Variants in ATP2A1 observed in about 807,000 individuals in gnomAD.
ATP2A1 encodes the protein ATPase sarcoplasmic/endoplasmic reticulum Ca2+ transporting 1.
In ATP2A1, 83 loss-of-function variants were observed where a neutral mutation model predicts 109.5. The ratio of observed to expected loss-of-function variants is 0.76; its 90% CI spans 0.63 to 0.91. The LOEUF is 0.91. Among genes scored for constraint, ATP2A1 ranks in the 40% least tolerant of loss-of-function variants. The pLI is 0.00. For missense variants in ATP2A1, 1,101 were observed against 1,341.0 expected (o/e 0.82, Z 2.80); for synonymous variants, 505 against 537.6 (o/e 0.94, Z 0.84).
At position 28,880,862 on chromosome 16, in the gene ATP2A1, C is replaced by A; in HGVS notation, c.220-53C>A. On this transcript the variant is annotated intron_variant, in intron 3 of 22. Coordinates refer to ENST00000395503, the MANE Select transcript of ATP2A1 (RefSeq NM_004320.6). This position sits in a 1 kb window ranked among gnomAD's most constrained non-coding sequence, Gnocchi z 4.2. ...CTTTGCAGTGGTCCACTTCCTTTCT[C>A]CATCTGTTTTGGGGCCTCATTACCT... 6.6e-7 allele frequency: 1 copy of A among 1,518,808 alleles called. No homozygotes were observed. Among genetic ancestry groups the A allele is most frequent in the South Asian group, 1.1e-5 (1 of 89,132 alleles). The allele number at this position is 1,518,808 out of a possible 1,614,324, so 94.1% of individuals were successfully genotyped here. A position where few individuals can be genotyped will look rare whatever the true frequency, so the allele number is the denominator to read the frequency against.
chr16:28,894,023 G>T (rs777199086), intron 9 of ATP2A1, 132 bp from the exon 10 acceptor site: 6 of 727,314 alleles, frequency 8.2e-6, no homozygotes, highest in Admixed American at 2.0e-5. Flanking sequence ...TATACGGGGG[G>T]GATGAGGAGG....
At chr16:28,879,186 C>G in intron 2 of ATP2A1, 70 bp downstream of exon 2, 3 of 1,550,214 alleles carry the variant, frequency 1.9e-6, no homozygotes, top group Non-Finnish European at 2.7e-6. Context: ...ACTCCCTCCT[C>G]CCTGCCTCTT....
At position 28,904,107 on chromosome 16, in the gene ATP2A1, C is replaced by T. The variant is rs1240510147; in HGVS notation, c.*38-73C>T. 4.3e-6 allele frequency: 6 copies of T among 1,383,482 alleles called. No homozygotes were observed. The East Asian group carries it at 1.4e-4, about 32-fold the overall frequency. 85.7% of individuals were successfully genotyped at this position (1,383,482 alleles called of 1,614,324 possible). On this transcript the variant is annotated intron_variant, in intron 22 of 22. Transcript: ENST00000395503. ...TCTGAGCCTCCAGGTAAGTGCGTGC[C>T]TGGGAGATGCACCTGGGAGGGACCT... is the stretch of plus-strand genomic sequence containing the variant.
In ATP2A1 at chr16:28,903,565, G is replaced by T. The variant is rs111268124; in HGVS notation, c.2980+125G>T. 13,562 of 1,176,384 alleles carry T rather than the reference G, an allele frequency of 0.012. 1,134 individuals are homozygous for T. In the African/African-American group the frequency reaches 0.19, roughly 16 times the overall value. 72.9% of individuals were successfully genotyped at this position (1,176,384 alleles called of 1,614,324 possible). A position where few individuals can be genotyped will look rare whatever the true frequency, so the allele number is the denominator to read the frequency against. The stretch of plus-strand genomic sequence containing the variant: ...CTCAGCCCTGGCAGGACCTGTGTCC[G>T]CCCCGTTCCCCCTGCGCCTGCAGGG... On this transcript the variant is annotated intron_variant, in intron 21 of 22. Transcript: ENST00000395503. This position sits in a 1 kb window ranked among gnomAD's most constrained non-coding sequence, Gnocchi z 5.6.
chr16:28,883,523 CAG>C lies in ATP2A1; in HGVS notation c.463+937_463+938del, dbSNP rs893878742. 7.9e-5 allele frequency among the ~76,000 whole-genome samples: 12 copies of C among 152,302 alleles called. No individual in the cohort carries two copies. Among genetic ancestry groups the C allele is most frequent in the African/African-American group, 2.9e-4 (12 of 41,560 alleles). On this transcript the variant is annotated intron_variant, in intron 5 of 22. Transcript: ENST00000395503. This position sits in a 1 kb window ranked among gnomAD's most constrained non-coding sequence, Gnocchi z 5.2. The stretch of plus-strand genomic sequence containing the variant: ...CTGGCACAGGAGGGATCCTTAGAAA[CAG>C]AGGGAAAGGAAAGCGATTGGACCCT...
At chr16:28,881,372 C>T in intron 4 of ATP2A1, 1 of 386,908 alleles carries the variant, frequency 2.6e-6, no homozygotes, top group East Asian at 6.1e-5. Flanking sequence ...ACTGACCTGA[C>T]CACCCCCTAC....
At chr16:28,881,813 AAAG>A (rs1472888743) in intron 4 of ATP2A1, among the ~76,000 whole-genome samples, 1 of 151,746 alleles carries the variant, frequency 6.6e-6, no homozygotes, top group Non-Finnish European at 1.5e-5. Context: ...AAAAAAAAAA[AAAG>A]AGAGAAATAG....
chr16:28,901,282 C>G (rs894936256), intron 15 of ATP2A1, among the ~76,000 whole-genome samples: 1 of 148,308 alleles, frequency 6.7e-6, no homozygotes, highest in South Asian at 2.1e-4. Context: ...AAAGTTATGA[C>G]TGCACCACTG....
chr16:28,902,352 T>C lies in ATP2A1; in HGVS notation c.2490T>C (p.Ser830=). 4.3e-6 allele frequency: 7 copies of C among 1,613,974 alleles called. No individual in the cohort carries two copies. The highest frequency in any genetic ancestry group is 5.9e-6 in the Non-Finnish European group (7 of 1,179,964). The part of the protein sequence containing the change: ...PPRSPKEPLI[S]GWLFFRYMAI... ...GGAGCCCCAAGGAGCCCCTCATCAG[T>C]GGCTGGCTCTTCTTCCGCTACATGG... The change falls in exon 17 of 23, where the codon AGT becomes AGC. Residue 830 remains serine, a synonymous_variant. Transcript: ENST00000395503. The surrounding 1 kb of genome is among the most constrained non-coding windows in gnomAD (Gnocchi z 4.8).
At chr16:28,894,335 T>C in intron 10 of ATP2A1, 92 bp downstream of exon 10, 1 of 1,384,150 alleles carries the variant, frequency 7.2e-7, no homozygotes, top group East Asian at 2.4e-5. Flanking sequence ...TTGCTCTCCT[T>C]TCACTCTCCT....
chr16:28,891,454 G>A (rs1200853571), intron 9 of ATP2A1, among the ~76,000 whole-genome samples: 15 of 151,972 alleles, frequency 9.9e-5, no homozygotes, highest in Admixed American at 9.8e-4. Flanking sequence ...TTAGCTGGGC[G>A]TGGTGGCACA....
At chr16:28,892,187 G>A (rs1963790144) in intron 9 of ATP2A1, 1 of 178,762 alleles carries the variant, frequency 5.6e-6, no homozygotes, top group Non-Finnish European at 1.2e-5. Flanking sequence ...GACAGTCACA[G>A]GTTTTGCTAA....
Position 28,894,910 on chromosome 16 carries a change from TG to T in ATP2A1, c.1377del (p.Arg460GlufsTer15). 1 of 1,612,226 alleles carries T rather than the reference TG, an allele frequency of 6.2e-7. No individual in the cohort carries two copies. The highest frequency in any genetic ancestry group is 8.5e-7 in the Non-Finnish European group (1 of 1,179,972). On this transcript the variant is annotated frameshift_variant, in exon 12 of 23. Coordinates refer to ENST00000395503, the MANE Select transcript of ATP2A1 (RefSeq NM_004320.6). LOFTEE classifies it high-confidence loss of function. ...AAGATGAATGTGTTCAACACGGATG[TG>T]AGAAGCCTCTCGAAGGTGGAGAGAG... ...VEKMNVFNTD[V>X]RSLSKVERAN...
chr16:28,899,755 G>GT (rs922379824), intron 14 of ATP2A1, among the ~76,000 whole-genome samples: 8 of 148,818 alleles, frequency 5.4e-5, no homozygotes, highest in Non-Finnish European at 1.0e-4. Context: ...GAGGTTAGGA[G>GT]TTTGAGACCA....
intron 14 of ATP2A1, 63 bp from the exon 15 acceptor site, chr16:28,900,518 C>T (rs541359088): frequency 6.9e-7 from 1 of 1,454,224 alleles, no homozygotes; most frequent in East Asian, 2.3e-5. Flanking sequence ...CCCCCACCAG[C>T]TTCCTCCAGG....
intron 12 of ATP2A1, among the ~76,000 whole-genome samples, chr16:28,895,175 C>T (rs1432026715): frequency 1.3e-5 from 2 of 152,220 alleles, no homozygotes; most frequent in Non-Finnish European, 2.9e-5. Flanking sequence ...ATCACTTCTG[C>T]CCGCTGTGTC....
In ATP2A1 at chr16:28,880,815, C is replaced by T; in HGVS notation, c.220-100C>T. ...TGCCCGGCCCTCCTGCTGGCTCCTG[C>T]ACTCTCCTGCACAGTTCTCCCCTTT... On this transcript the variant is annotated intron_variant, in intron 3 of 22. Transcript: ENST00000395503. The surrounding 1 kb of genome is among the most constrained non-coding windows in gnomAD (Gnocchi z 4.2). 1 of 1,190,350 alleles carries T rather than the reference C, an allele frequency of 8.4e-7. No homozygotes were observed. The highest frequency in any genetic ancestry group is 1.3e-6 in the Non-Finnish European group (1 of 798,866). 73.7% of individuals were successfully genotyped at this position (1,190,350 alleles called of 1,614,324 possible). A position where few individuals can be genotyped will look rare whatever the true frequency, so the allele number is the denominator to read the frequency against.
intron 14 of ATP2A1, among the ~76,000 whole-genome samples, chr16:28,899,343 A>G (rs1208670836): frequency 6.6e-6 from 1 of 152,222 alleles, no homozygotes; most frequent in East Asian, 1.9e-4. Flanking sequence ...CGTTCTTTCT[A>G]TGAAACACAC....
intron 8 of ATP2A1, 119 bp downstream of exon 8, chr16:28,887,841 C>G: frequency 7.4e-7 from 1 of 1,349,728 alleles, no homozygotes; most frequent in South Asian, 1.2e-5. Flanking sequence ...TGCTCTGTCA[C>G]CCAGGCTGGA....
Sources: allele counts gnomAD v4.1 joint callset (sites outside exome capture counted in the v4.1 genomes callset), GRCh38; gene constraint gnomAD v4.1.1; non-coding constraint Gnocchi (gnomAD v3.1); transcripts MANE v1.5; gene names NCBI Gene and HGNC (gene_info 2026-07-23, HGNC 2026-07-21).